The following RARRES1 variants were observed in gnomAD, a reference collection of about 807,000 sequenced individuals.
RARRES1 encodes retinoic acid receptor responder 1.
Under a neutral mutation model 30.6 loss-of-function variants are expected in RARRES1, and 34 were observed. The observed-to-expected ratio is 1.11, with a 90% confidence interval of 0.84 to 1.48. The LOEUF (loss-of-function observed/expected upper bound fraction) is 1.48, where lower values mean the gene tolerates loss of function less well. RARRES1 is among the 40% of genes most tolerant of loss of function. The pLI, the probability that RARRES1 is intolerant of heterozygous loss-of-function variation, is 0.00. For synonymous variants in RARRES1, 153 were observed against 155.5 expected (o/e 0.98, Z 0.12); for missense variants, 373 against 386.5 (o/e 0.97, Z 0.29).
chr3:158,697,618 G>T lies in RARRES1; in HGVS notation c.*60C>A. ...CTATACCTTAGCTGTTTTACTAGAA[G>T]AATGATTTATGCTAGTATAGTCACT... On this transcript the variant is annotated 3_prime_UTR_variant, in exon 6 of 6. Coordinates refer to ENST00000237696, the MANE Select transcript of RARRES1 (RefSeq NM_206963.2). The T allele has an allele frequency of 7.0e-7, 1 of 1,419,886 alleles. No homozygotes were observed. The highest frequency in any genetic ancestry group is 9.7e-7 in the Non-Finnish European group (1 of 1,030,516). The allele number at this position is 1,419,886 out of a possible 1,614,324, so 88.0% of individuals were successfully genotyped here.
intron 1 of RARRES1, among the ~76,000 whole-genome samples, chr3:158,726,263 A>G (rs1727679058): frequency 6.6e-6 from 1 of 152,188 alleles, no homozygotes; most frequent in Non-Finnish European, 1.5e-5. Context: ...ACATTAATGG[A>G]GAGAAGACCT....
chr3:158,719,665 C>T (rs1727437531), intron 1 of RARRES1, among the ~76,000 whole-genome samples: 1 of 152,102 alleles, frequency 6.6e-6, no homozygotes, highest in Non-Finnish European at 1.5e-5. Context: ...TACCTTCCAC[C>T]TCCCCTTCCT....
intron 1 of RARRES1, among the ~76,000 whole-genome samples, chr3:158,726,505 C>T (rs190026988): frequency 4.6e-5 from 7 of 152,328 alleles, no homozygotes; most frequent in Admixed American, 4.6e-4. Context: ...AGCTGCTTTG[C>T]TCCCAAACTT....
At chr3:158,710,560 T>TAG (rs1727087362) in intron 3 of RARRES1, among the ~76,000 whole-genome samples, 178 bp downstream of exon 3, 1 of 152,144 alleles carries the variant, frequency 6.6e-6, no homozygotes, top group Non-Finnish European at 1.5e-5. Context: ...TGTGTTGGAT[T>TAG]AGAGATGAAG....
intron 4 of RARRES1, among the ~76,000 whole-genome samples, chr3:158,698,951 A>G (rs942808647): frequency 3.9e-5 from 6 of 152,150 alleles, no homozygotes; most frequent in Non-Finnish European, 7.3e-5. Context: ...CTGCATGGCA[A>G]GCTTATGTAT....
intron 3 of RARRES1, among the ~76,000 whole-genome samples, chr3:158,707,052 T>G (rs1190917054): frequency 1.3e-5 from 2 of 152,014 alleles, no homozygotes; most frequent in African/African-American, 2.4e-5. Flanking sequence ...GCCTGTAATC[T>G]CAGATACTCT....
intron 1 of RARRES1, among the ~76,000 whole-genome samples, chr3:158,731,281 C>A (rs987749369): frequency 6.6e-6 from 1 of 152,124 alleles, no homozygotes; most frequent in Non-Finnish European, 1.5e-5. Context: ...TAAATACATG[C>A]GATACTCAAT....
In RARRES1 at chr3:158,705,836, C is replaced by A. The variant is rs144133963; in HGVS notation, c.536-909G>T. The A allele has an allele frequency of 3.3e-5, 5 of 152,232 alleles. No individual in the cohort carries two copies. In the East Asian group the frequency reaches 7.7e-4, roughly 24 times the overall value. The allele number at this position is 152,232 out of a possible 1,614,324, so 9.4% of individuals were successfully genotyped here. ...AGATTTTTTTCTGTGGCATTGTTTT[C>A]GGACCTAAAATCTTTTAAATTTGGC... On this transcript the variant is annotated intron_variant, in intron 3 of 5. Transcript: ENST00000237696.
intron 1 of RARRES1, among the ~76,000 whole-genome samples, chr3:158,721,417 T>C (rs1337461612): frequency 6.6e-6 from 1 of 152,180 alleles, no homozygotes; most frequent in African/African-American, 2.4e-5. Context: ...AACTTGCATT[T>C]TAACAAGTTC....
intron 1 of RARRES1, 141 bp downstream of exon 1, chr3:158,731,999 G>T (rs1727905726): frequency 3.4e-6 from 3 of 882,128 alleles, no homozygotes; most frequent in Non-Finnish European, 3.0e-6. Flanking sequence ...GCCCAGCTGG[G>T]ATCTCCCCGG....
chr3:158,722,569 C>A (rs1196827931), intron 1 of RARRES1, among the ~76,000 whole-genome samples: 1 of 152,176 alleles, frequency 6.6e-6, no homozygotes, highest in East Asian at 1.9e-4. Context: ...TTTATGTATT[C>A]TAAGAGCACA....
In RARRES1 at chr3:158,720,233, GGTGTGT is replaced by G. The variant is rs781535998; in HGVS notation, c.277-6380_277-6375del. 7.6e-4 allele frequency among the ~76,000 whole-genome samples: 106 copies of G among 139,348 alleles called. 2 individuals carry two copies. Among genetic ancestry groups the G allele is most frequent in the African/African-American group, 2.3e-3 (83 of 36,418 alleles). 91.4% of individuals were successfully genotyped at this position (139,348 alleles called of 152,430 possible). A position where few individuals can be genotyped will look rare whatever the true frequency, so the allele number is the denominator to read the frequency against. ...AAAGGAAGAATAAAAGCTGGCTGCT[GGTGTGT>G]GTGTGTGTGTGTGTGTGTGTGTGTG... is the stretch of plus-strand genomic sequence containing the variant. On this transcript the variant is annotated intron_variant, in intron 1 of 5. Coordinates refer to ENST00000237696, the MANE Select transcript of RARRES1 (RefSeq NM_206963.2).
chr3:158,726,443 G>C (rs185660347), intron 1 of RARRES1, among the ~76,000 whole-genome samples: 1 of 152,200 alleles, frequency 6.6e-6, no homozygotes, highest in South Asian at 2.1e-4. Context: ...CCCCGAGCAC[G>C]GGCTCCTGCC....
chr3:158,726,064 T>C (rs1245675614), intron 1 of RARRES1, among the ~76,000 whole-genome samples: 1 of 152,220 alleles, frequency 6.6e-6, no homozygotes, highest in Non-Finnish European at 1.5e-5. Flanking sequence ...GAGCTTTCCT[T>C]ACATGAAAAT....
Position 158,697,706 on chromosome 3 carries a change from A to G in RARRES1, c.857T>C (p.Val286Ala). 1 of 1,613,216 alleles carries G rather than the reference A, an allele frequency of 6.2e-7. No individual in the cohort carries two copies. The highest frequency in any genetic ancestry group is 8.5e-7 in the Non-Finnish European group (1 of 1,179,212). The change falls in exon 6 of 6, where the codon GTA (valine) becomes GCA (alanine). Residue 286 changes from valine to alanine, a missense_variant. By Grantham distance (64) the Val-to-Ala change is moderately conservative. Transcript: ENST00000237696. The part of the protein sequence containing the change: ...EASGTEEGSA[V>A]VPTELSNF Reference sequence around the variant, plus strand: ...GAAATTACTAAGCTCTGTTGGTACTACAGCTGATCCTTCTTCAGTTCCGGA... The same window carrying G: ...GAAATTACTAAGCTCTGTTGGTACTGCAGCTGATCCTTCTTCAGTTCCGGA...
Position 158,727,082 on chromosome 3 carries a change from G to A in RARRES1, c.276+5058C>T, listed in dbSNP as rs115379459. Among the ~76,000 whole-genome samples the A allele has an allele frequency of 7.9e-3, 1,204 of 152,290 alleles. 7 individuals are homozygous for A. The highest frequency in any genetic ancestry group is 0.027 in the African/African-American group (1,141 of 41,558). Reference sequence around the variant, plus strand: ...GCTCCTTGAGGCCTCTCCAGAAGCGGATGCCAGCACCACACTTCCTGGGGA... The same window carrying A: ...GCTCCTTGAGGCCTCTCCAGAAGCGAATGCCAGCACCACACTTCCTGGGGA... On this transcript the variant is annotated intron_variant, in intron 1 of 5. Transcript: ENST00000237696.
At chr3:158,710,623 T>C (rs1727089046) in intron 3 of RARRES1, 115 bp downstream of exon 3, 6 of 958,136 alleles carry the variant, frequency 6.3e-6, no homozygotes, top group South Asian at 5.2e-5. Context: ...GATACCACAA[T>C]ATTTAGTTGA....
intron 4 of RARRES1, among the ~76,000 whole-genome samples, chr3:158,699,593 C>G (rs1320218790): frequency 6.6e-6 from 1 of 151,758 alleles, no homozygotes; most frequent in Non-Finnish European, 1.5e-5. Context: ...TCGCTGAAGA[C>G]TGCCATGATT....
chr3:158,711,041 C>T (rs1284722186), intron 2 of RARRES1, 108 bp from the exon 3 acceptor site: 1 of 976,706 alleles, frequency 1.0e-6, no homozygotes, highest in East Asian at 2.4e-5. Flanking sequence ...GCTCTGGCAT[C>T]AATAGATGTA....
Sources: allele counts gnomAD v4.1 joint callset (sites outside exome capture counted in the v4.1 genomes callset), GRCh38; gene constraint gnomAD v4.1.1; transcripts MANE v1.5; gene names NCBI Gene and HGNC (gene_info 2026-07-23, HGNC 2026-07-21).